Variants in SLC26A3 observed in about 807,000 individuals in gnomAD.
The protein encoded by SLC26A3 is chloride anion exchanger.
In SLC26A3, 64 loss-of-function variants were observed where a neutral mutation model predicts 85.6. The ratio of observed to expected loss-of-function variants is 0.75; its 90% CI spans 0.61 to 0.92. The LOEUF (loss-of-function observed/expected upper bound fraction) is 0.92. SLC26A3 is among the 40% of genes least tolerant of loss of function. The pLI is 0.00. For missense variants in SLC26A3, 922 were observed against 927.3 expected (o/e 0.99, Z 0.07); for synonymous variants, 349 against 336.0 (o/e 1.04, Z -0.42).
intron 1 of SLC26A3, among the ~76,000 whole-genome samples, chr7:107,801,246 C>T (rs1206398050): frequency 2.6e-5 from 4 of 152,228 alleles, no homozygotes; most frequent in Non-Finnish European, 4.4e-5. Flanking sequence ...GAATAACTGA[C>T]TCTCTCCACT....
At chr7:107,800,613 C>A (rs1343132910) in intron 1 of SLC26A3, among the ~76,000 whole-genome samples, 1 of 152,248 alleles carries the variant, frequency 6.6e-6, no homozygotes, top group East Asian at 1.9e-4. Context: ...CAAATCTTAA[C>A]CATTTTTCCC....
In SLC26A3 at chr7:107,774,901, G is replaced by T. The variant is rs544503493; in HGVS notation, c.1678-29C>A. 174 of 1,514,998 alleles carry T rather than the reference G, an allele frequency of 1.1e-4. 1 individual carries two copies. The South Asian group carries it at 1.7e-3, about 15-fold the overall frequency. The allele number at this position is 1,514,998 out of a possible 1,614,324, so 93.8% of individuals were successfully genotyped here. A position where few individuals can be genotyped will look rare whatever the true frequency, so the allele number is the denominator to read the frequency against. On this transcript the variant is annotated intron_variant, in intron 15 of 20. Transcript: ENST00000340010. ...AGAAACCCATTGCTGTGTTACAAGA[G>T]TACTGAATATTCTGTTATTTATATA...
At position 107,782,805 on chromosome 7, in the gene SLC26A3, G is replaced by A; in HGVS notation, c.1303C>T (p.Leu435=). ...VLAIGFLLAP[L]QKSVLAALAL... ...TCCAAAGACAGTGTTACCTTTTGTAGAGGCGCCAGGAGAAATCCAATGGCT... is the reference window on the plus strand; with the variant it reads ...TCCAAAGACAGTGTTACCTTTTGTAAAGGCGCCAGGAGAAATCCAATGGCT... Residue 435 remains leucine, a synonymous_variant, in exon 11 of 21, where the codon CTA becomes TTA. Coordinates refer to ENST00000340010, the MANE Select transcript of SLC26A3 (RefSeq NM_000111.3). 1 of 1,613,936 alleles carries A rather than the reference G, an allele frequency of 6.2e-7. No individual in the cohort carries two copies. The highest frequency in any genetic ancestry group is 1.1e-5 in the South Asian group (1 of 91,084).
In SLC26A3 at chr7:107,794,592, A is replaced by G; in HGVS notation, c.-83T>C. ...CTTCTTCTTGCCTTTAGCAGGTTAA[A>G]AATGCCTGAAACCAAACAGAGCTTG... On this transcript the variant is annotated 5_prime_UTR_variant, in exon 2 of 21. Transcript: ENST00000340010. 1 of 1,474,930 alleles carries G rather than the reference A, an allele frequency of 6.8e-7. No individual in the cohort carries two copies. The highest frequency in any genetic ancestry group is 9.5e-7 in the Non-Finnish European group (1 of 1,054,368). 91.4% of individuals were successfully genotyped at this position (1,474,930 alleles called of 1,614,324 possible). A position where few individuals can be genotyped will look rare whatever the true frequency, so the allele number is the denominator to read the frequency against.
chr7:107,790,902 T>C, intron 5 of SLC26A3, 146 bp downstream of exon 5: 1 of 853,172 alleles, frequency 1.2e-6, no homozygotes, highest in Non-Finnish European at 1.9e-6. Context: ...GAGTGACCCT[T>C]CGTACAGTAT....
chr7:107,782,901 C>G, intron 10 of SLC26A3, 27 bp from the exon 11 acceptor site: 1 of 1,613,772 alleles, frequency 6.2e-7, no homozygotes, highest in Non-Finnish European at 8.5e-7. Context: ...ATTATCATCA[C>G]CAACTCAACT....
In SLC26A3 at chr7:107,765,719, C is replaced by T; in HGVS notation, c.*136G>A. ...TGTGAAAAATATGCCATGCTAGAACCATCTTGTTCCAAAGTTTGAAACATA... is the reference window on the plus strand; with the variant it reads ...TGTGAAAAATATGCCATGCTAGAACTATCTTGTTCCAAAGTTTGAAACATA... On this transcript the variant is annotated 3_prime_UTR_variant, in exon 21 of 21. Transcript: ENST00000340010. The T allele has an allele frequency of 1.5e-6, 1 of 659,760 alleles. No homozygotes were observed. The highest frequency in any genetic ancestry group is 1.9e-5 in the South Asian group (1 of 51,878). 40.9% of individuals were successfully genotyped at this position (659,760 alleles called of 1,614,324 possible).
Position 107,778,181 on chromosome 7 carries a change from G to C in SLC26A3, c.1508C>G (p.Thr503Ser). The C allele has an allele frequency of 6.2e-7, 1 of 1,611,166 alleles. No homozygotes were observed. The highest frequency in any genetic ancestry group is 8.5e-7 in the Non-Finnish European group (1 of 1,177,550). Residue 503 changes from threonine (T) to serine (S), a missense_variant, in exon 13 of 21, where the codon ACC becomes AGC. Physicochemically the swap from Thr to Ser is moderately conservative, Grantham distance 58. Coordinates refer to ENST00000340010, the MANE Select transcript of SLC26A3 (RefSeq NM_000111.3). ...AFQLLTIVFR[T>S]QFPKCSTLAN... Reference sequence around the variant, plus strand: ...GAGCACTTTGAGCACTCACAATTGGGTCCTGAACACGATGGTTAGCAGTTG... The same window carrying C: ...GAGCACTTTGAGCACTCACAATTGGCTCCTGAACACGATGGTTAGCAGTTG...
chr7:107,787,297 A>G (rs1794313455), intron 7 of SLC26A3, 60 bp downstream of exon 7: 2 of 1,575,566 alleles, frequency 1.3e-6, no homozygotes, highest in Non-Finnish European at 8.7e-7. Context: ...CAAATGGTGA[A>G]GGACTTACAA....
rs781610734 is a variant in SLC26A3, at chr7:107,791,023, G to A, written c.570+25C>T. The A allele has an allele frequency of 5.0e-6, 8 of 1,610,334 alleles. No individual in the cohort carries two copies. In the South Asian group the frequency reaches 7.7e-5, roughly 16 times the overall value. On this transcript the variant is annotated intron_variant, in intron 5 of 20. Transcript: ENST00000340010. ...AGTCAAGATGAACAGATTGAGGTGG[G>A]CAAGTTACATGAGAAGGTGCTCACC...
In SLC26A3 at chr7:107,774,273, T is replaced by C. The variant is rs909809773; in HGVS notation, c.1774-120A>G. The stretch of plus-strand genomic sequence containing the variant: ...GTTGAGCCAAACGATGGGATTGGAC[T>C]AGGTGTGGTGGCTCATGCCTGTCAT... On this transcript the variant is annotated intron_variant, in intron 16 of 20. Coordinates refer to ENST00000340010, the MANE Select transcript of SLC26A3 (RefSeq NM_000111.3). The C allele has an allele frequency of 4.2e-5, 34 of 814,084 alleles. No homozygotes were observed. The African/African-American group carries it at 4.9e-4, about 12-fold the overall frequency. The allele number at this position is 814,084 out of a possible 1,614,324, so 50.4% of individuals were successfully genotyped here.
In SLC26A3 at chr7:107,776,653, T is replaced by C; in HGVS notation, c.1568A>G (p.Lys523Arg). 6.2e-7 allele frequency: 1 copy of C among 1,613,780 alleles called. No individual in the cohort carries two copies. The highest frequency in any genetic ancestry group is 8.5e-7 in the Non-Finnish European group (1 of 1,179,754). ...CTCCCTTACATCATAATAATCTTTT[T>C]TATTCTTATAGATGTTGGTTCTTCC... ...NIGRTNIYKN[K>R]KDYYDMYEPE... The change falls in exon 14 of 21, where the codon AAA becomes AGA. Residue 523 changes from lysine to arginine, a missense_variant. Coordinates refer to ENST00000340010, the MANE Select transcript of SLC26A3 (RefSeq NM_000111.3).
chr7:107,791,977 C>T (rs745664739), intron 3 of SLC26A3, 37 bp from the exon 4 acceptor site: 7 of 1,214,446 alleles, frequency 5.8e-6, no homozygotes, highest in Non-Finnish European at 8.6e-6. Flanking sequence ...TTACTCTGTG[C>T]AAGAGGAATC....
At chr7:107,796,013 T>C (rs1265023799) in intron 1 of SLC26A3, among the ~76,000 whole-genome samples, 1 of 152,150 alleles carries the variant, frequency 6.6e-6, no homozygotes, top group East Asian at 1.9e-4. Flanking sequence ...TACTCACTTT[T>C]GACCACAATA....
intron 15 of SLC26A3, among the ~76,000 whole-genome samples, chr7:107,775,608 T>C (rs1794098726): frequency 6.6e-6 from 1 of 151,508 alleles, no homozygotes; most frequent in Non-Finnish European, 1.5e-5. Flanking sequence ...GGCACATGCC[T>C]GGAGTCTCAT....
intron 12 of SLC26A3, 37 bp from the exon 13 acceptor site, chr7:107,778,318 T>A (rs1209195022): frequency 1.5e-6 from 2 of 1,307,240 alleles, no homozygotes; most frequent in Non-Finnish European, 2.2e-6. Context: ...TACAATTTAC[T>A]TTGATTAAAG....
chr7:107,799,368 C>A (rs1307077943), intron 1 of SLC26A3, among the ~76,000 whole-genome samples: 2 of 151,926 alleles, frequency 1.3e-5, no homozygotes, highest in Non-Finnish European at 2.9e-5. Context: ...GTGATTCAAG[C>A]CATCAATTTT....
intron 15 of SLC26A3, 25 bp from the exon 16 acceptor site, chr7:107,774,897 A>T (rs750264611): frequency 1.3e-6 from 2 of 1,533,204 alleles, no homozygotes; most frequent in Non-Finnish European, 1.8e-6. Context: ...GCTGTGTTAC[A>T]AGAGTACTGA....
At chr7:107,780,329 G>C (rs770830821) in intron 11 of SLC26A3, among the ~76,000 whole-genome samples, 3 of 152,150 alleles carry the variant, frequency 2.0e-5, no homozygotes, top group Non-Finnish European at 4.4e-5. Flanking sequence ...CAGTGAATGA[G>C]TGGCTGAGCC....
Sources: allele counts gnomAD v4.1 joint callset (sites outside exome capture counted in the v4.1 genomes callset), GRCh38; gene constraint gnomAD v4.1.1; transcripts MANE v1.5; gene names NCBI Gene and HGNC (gene_info 2026-07-23, HGNC 2026-07-21).